The following CDH13 variants were observed in gnomAD, a reference collection of about 807,000 sequenced individuals.
CDH13 encodes cadherin 13.
Under a neutral mutation model 63.8 loss-of-function variants are expected in CDH13, and 24 were observed. The observed-to-expected ratio is 0.38, with a 90% CI of 0.27 to 0.53. CDH13 has a LOEUF of 0.53. CDH13 is among the 20% of genes least tolerant of loss of function. CDH13 has a pLI of 0.85. For missense variants in CDH13, 1,049 were observed against 903.1 expected (o/e 1.16, Z -2.07); for synonymous variants, 503 against 355.3 (o/e 1.42, Z -4.67).
At chr16:83,264,376 G>A (rs776546678) in intron 5 of CDH13, among the ~76,000 whole-genome samples, 6 of 151,896 alleles carry the variant, frequency 4.0e-5, no homozygotes, top group East Asian at 1.9e-4. Context: ...TTGGCCAATC[G>A]CTTTTTGAAA....
chr16:83,783,584 T>C (rs963547214), intron 13 of CDH13, 112 bp downstream of exon 13: 1 of 847,040 alleles, frequency 1.2e-6, no homozygotes, highest in African/African-American at 1.7e-5. Flanking sequence ...CCCAGAAGAA[T>C]CATTCATCTT....
intron 10 of CDH13, among the ~76,000 whole-genome samples, chr16:83,691,859 C>T (rs1398970875): frequency 6.6e-6 from 1 of 152,136 alleles, no homozygotes; most frequent in Non-Finnish European, 1.5e-5. Flanking sequence ...CTCAAGGTTA[C>T]GATATAGTAG....
At chr16:82,795,185 C>T (rs2036522192) in intron 1 of CDH13, among the ~76,000 whole-genome samples, 1 of 152,156 alleles carries the variant, frequency 6.6e-6, no homozygotes, top group Non-Finnish European at 1.5e-5. Context: ...TAGCTCTGGT[C>T]TGAGAGTTCT....
intron 7 of CDH13, among the ~76,000 whole-genome samples, chr16:83,487,625 C>A (rs1418619616): frequency 1.3e-5 from 2 of 152,166 alleles, no homozygotes; most frequent in Admixed American, 1.3e-4. Flanking sequence ...CCTACCCATC[C>A]TTCACTCTCC....
intron 7 of CDH13, among the ~76,000 whole-genome samples, chr16:83,601,979 G>A (rs985343032): frequency 3.3e-5 from 5 of 151,194 alleles, no homozygotes; most frequent in African/African-American, 9.7e-5. Flanking sequence ...TGTAATCCCA[G>A]CTACTCAGGA....
chr16:83,309,054 C>A (rs896190148), intron 5 of CDH13, among the ~76,000 whole-genome samples: 4 of 152,150 alleles, frequency 2.6e-5, no homozygotes, highest in African/African-American at 9.7e-5. Flanking sequence ...TCCTCAGAAC[C>A]ACTCCTTACT....
intron 6 of CDH13, among the ~76,000 whole-genome samples, chr16:83,381,113 G>A (rs989145983): frequency 1.5e-4 from 23 of 152,056 alleles, no homozygotes; most frequent in East Asian, 5.8e-4. Context: ...AGTACTTCAT[G>A]CTTATTATTT....
intron 6 of CDH13, among the ~76,000 whole-genome samples, chr16:83,483,466 C>CTTTTTTTTTTTTT (rs11327354): frequency 4.1e-5 from 6 of 147,040 alleles, no homozygotes; most frequent in Non-Finnish European, 7.5e-5. Context: ...CCTGAAAGGT[C>CTTTTTTTTTTTTT]TTTTTTTTTT....
intron 2 of CDH13, among the ~76,000 whole-genome samples, chr16:82,921,812 TA>T (rs1313668876): frequency 6.6e-6 from 1 of 152,180 alleles, no homozygotes; most frequent in African/African-American, 2.4e-5. Flanking sequence ...GGAGAGTTTG[TA>T]AAATACTGGT....
At chr16:83,090,800 A>G (rs112701968) in intron 3 of CDH13, among the ~76,000 whole-genome samples, 2 of 152,242 alleles carry the variant, frequency 1.3e-5, no homozygotes, top group African/African-American at 4.8e-5. Flanking sequence ...TTCAGCATTC[A>G]TTACAATACA....
At chr16:83,745,292 G>A (rs533386099) in intron 10 of CDH13, among the ~76,000 whole-genome samples, 6 of 152,208 alleles carry the variant, frequency 3.9e-5, no homozygotes, top group Non-Finnish European at 7.4e-5. Flanking sequence ...TGGGGGTCTG[G>A]TACATCCACT....
chr16:83,201,143 C>CT (rs2039018461), intron 4 of CDH13, among the ~76,000 whole-genome samples: 1 of 152,072 alleles, frequency 6.6e-6, no homozygotes, highest in Admixed American at 6.5e-5. Flanking sequence ...ATTCATTTTC[C>CT]TTTTTTCCTG....
chr16:83,405,151 T>G (rs1372207205), intron 6 of CDH13, among the ~76,000 whole-genome samples: 4 of 152,092 alleles, frequency 2.6e-5, no homozygotes, highest in South Asian at 2.1e-4. Context: ...AAAAAAAATC[T>G]TAACAATTCT....
At chr16:83,161,944 C>A (rs868631330) in intron 4 of CDH13, among the ~76,000 whole-genome samples, 1 of 152,212 alleles carries the variant, frequency 6.6e-6, no homozygotes, top group Admixed American at 6.5e-5. Flanking sequence ...TAACTCTCTT[C>A]TTTGCTTAAG....
At chr16:82,795,737 T>C (rs1340784321) in intron 1 of CDH13, among the ~76,000 whole-genome samples, 2 of 152,114 alleles carry the variant, frequency 1.3e-5, no homozygotes, top group Non-Finnish European at 2.9e-5. Flanking sequence ...TTCTGAGCTC[T>C]GGACGTCCAC....
chr16:83,645,237 C>G (rs1423655279), intron 8 of CDH13, among the ~76,000 whole-genome samples: 2 of 152,162 alleles, frequency 1.3e-5, no homozygotes, highest in East Asian at 3.8e-4. Flanking sequence ...GAAATCCTGT[C>G]CTTTGCAGCA....
At chr16:82,849,280 G>A (rs9935163) in intron 1 of CDH13, among the ~76,000 whole-genome samples, 96,784 of 152,050 alleles carry the variant, frequency 0.64, 31,448 homozygotes, top group East Asian at 0.87. Flanking sequence ...AAAGCAGGTG[G>A]ATCACGAGGT....
intron 8 of CDH13, among the ~76,000 whole-genome samples, chr16:83,620,272 C>T (rs368171322): frequency 1.3e-5 from 2 of 151,634 alleles, no homozygotes; most frequent in South Asian, 2.1e-4. Flanking sequence ...GTGCATGTAG[C>T]CCCAGCTACT....
At chr16:83,260,776 G>C (rs1906892417) in intron 5 of CDH13, among the ~76,000 whole-genome samples, 2 of 152,210 alleles carry the variant, frequency 1.3e-5, no homozygotes, top group South Asian at 2.1e-4. Context: ...CTCACATTTA[G>C]AGACTGATTA....
Sources: allele counts gnomAD v4.1 joint callset (sites outside exome capture counted in the v4.1 genomes callset), GRCh38; gene constraint gnomAD v4.1.1; transcripts MANE v1.5; gene names NCBI Gene and HGNC (gene_info 2026-07-23, HGNC 2026-07-21).